The following COX7A2L variants were observed in gnomAD, a reference collection of about 807,000 sequenced individuals.
COX7A2L encodes the protein cytochrome c oxidase subunit 7A2 like.
A neutral mutation model predicts 14.2 loss-of-function variants in COX7A2L; 18 were observed. The observed-to-expected ratio is 1.27, with a 90% CI of 0.88 to 1.88. The LOEUF (loss-of-function observed/expected upper bound fraction) is 1.88. Ranked by LOEUF, COX7A2L falls within the 40% of genes most tolerant of loss-of-function variation. COX7A2L has a pLI of 0.00. For missense variants in COX7A2L, 179 were observed against 138.8 expected, an observed-to-expected ratio of 1.29 and a Z score of -1.46; for synonymous variants, 65 against 57.4, an observed-to-expected ratio of 1.13 and a Z score of -0.60.
rs570812250 is a variant in COX7A2L, at chr2:42,351,196, A to T, written c.*23T>A. 71 of 1,597,428 alleles carry T rather than the reference A, an allele frequency of 4.4e-5. No individual in the cohort carries two copies. In the African/African-American group the frequency reaches 6.7e-4, roughly 15 times the overall value. ...CTTCAAAGGGTTTATGCCAAAAAAC[A>T]AACCAGTCCTCTGCAGCCTAACTCA... On this transcript the variant is annotated 3_prime_UTR_variant, in exon 3 of 3. Transcript: ENST00000234301.
intron 2 of COX7A2L, among the ~76,000 whole-genome samples, chr2:42,352,520 C>A (rs968175924): frequency 6.6e-6 from 1 of 152,152 alleles, no homozygotes; most frequent in Non-Finnish European, 1.5e-5. Context: ...CTCTCTCAAA[C>A]CTTACTTATC....
chr2:42,361,026 C>T (rs958598305), intron 1 of COX7A2L, 64 bp downstream of exon 1: 11 of 1,574,876 alleles, frequency 7.0e-6, no homozygotes, highest in Middle Eastern at 1.7e-4. Flanking sequence ...AACGCCGCGA[C>T]TGCCTGTCGC....
chr2:42,338,337 T>C lies in COX7A2L; in HGVS notation c.193-4468A>G, dbSNP rs1222138179. Reference sequence around the variant, plus strand: ...GTCTGGGCTGAATCAGCTTCCCTTATTCAGAATTAATCAAATGGAAAGGAA... The same window carrying C: ...GTCTGGGCTGAATCAGCTTCCCTTACTCAGAATTAATCAAATGGAAAGGAA... On this transcript the variant is annotated intron_variant, in intron 2 of 2. Transcript: ENST00000468711. The surrounding 1 kb of genome is among the most constrained non-coding windows in gnomAD (Gnocchi z 4.4). Among the ~76,000 whole-genome samples the C allele has an allele frequency of 6.6e-6, 1 of 152,186 alleles. No individual in the cohort carries two copies. The highest frequency in any genetic ancestry group is 1.5e-5 in the Non-Finnish European group (1 of 68,036).
Position 42,366,471 on chromosome 2 carries a change from T to A in COX7A2L, c.-688+2397A>T, listed in dbSNP as rs1318708613. On this transcript the variant is annotated intron_variant, in intron 1 of 3. Coordinates refer to the COX7A2L transcript ENST00000378669. The stretch of plus-strand genomic sequence containing the variant: ...CTCTGCTAGCCATTGAAGGTCAGGA[T>A]GTCCAGATTCCAACCCTGCACTAGA... 7.9e-5 allele frequency among the ~76,000 whole-genome samples: 12 copies of A among 152,230 alleles called. 1 individual carries two copies. Among genetic ancestry groups the A allele is most frequent in the Admixed American group, 7.2e-4 (11 of 15,280 alleles).
chr2:42,343,783 G>C (rs976705875), intron 2 of COX7A2L, among the ~76,000 whole-genome samples: 1 of 152,196 alleles, frequency 6.6e-6, no homozygotes, highest in Non-Finnish European at 1.5e-5. Context: ...GGGATGAACA[G>C]ACCTCAATGT....
chr2:42,359,169 A>G (rs1347833982), intron 1 of COX7A2L: 11 of 152,206 alleles, frequency 7.2e-5, no homozygotes, highest in Admixed American at 2.0e-4. Context: ...ACATTTTCAG[A>G]GGCAAAAGCA....
At chr2:42,361,812 G>C (rs1031827675), upstream of COX7A2L, 2 of 152,348 alleles carry the variant, frequency 1.3e-5, no homozygotes, top group African/African-American at 4.8e-5. Flanking sequence ...AGTCTGCCCA[G>C]GAGTATAGAC....
At position 42,338,709 on chromosome 2, in the gene COX7A2L, A is replaced by G. The variant is rs1396000067; in HGVS notation, c.193-4840T>C. On this transcript the variant is annotated intron_variant, in intron 2 of 2. Coordinates refer to the COX7A2L transcript ENST00000468711. The surrounding 1 kb of genome is among the most constrained non-coding windows in gnomAD (Gnocchi z 4.4). ...GTGAGGAATCTGACAGCAGGACTCTAACCACTGGCTACGGTGGAAAAGGCC... is the reference window on the plus strand; with the variant it reads ...GTGAGGAATCTGACAGCAGGACTCTGACCACTGGCTACGGTGGAAAAGGCC... Among the ~76,000 whole-genome samples the G allele has an allele frequency of 6.6e-6, 1 of 152,186 alleles. No individual in the cohort carries two copies. The highest frequency in any genetic ancestry group is 1.9e-4 in the East Asian group (1 of 5,188).
chr2:42,360,778 G>C (rs1351007531), intron 1 of COX7A2L, among the ~76,000 whole-genome samples: 1 of 152,146 alleles, frequency 6.6e-6, no homozygotes, highest in Non-Finnish European at 1.5e-5. Flanking sequence ...CCGGACCTCT[G>C]ACTCGGGTCA....
chr2:42,353,801 G>A (rs1244311911), intron 1 of COX7A2L, among the ~76,000 whole-genome samples: 21 of 152,130 alleles, frequency 1.4e-4, no homozygotes, highest in Admixed American at 1.4e-3. Flanking sequence ...AACAATACTT[G>A]CCTTCCAGGA....
In COX7A2L at chr2:42,351,124, G is replaced by A; in HGVS notation, c.*95C>T. The A allele has an allele frequency of 7.5e-7, 1 of 1,328,684 alleles. No homozygotes were observed. Among genetic ancestry groups the A allele is most frequent in the Non-Finnish European group, 1.0e-6 (1 of 990,106 alleles). The allele number at this position is 1,328,684 out of a possible 1,614,324, so 82.3% of individuals were successfully genotyped here. ...CCTATTTTTCTTGCAAAAATGTTAAGCCATCCAAGTAAAAAAAAAAATTTT... is the reference window on the plus strand; with the variant it reads ...CCTATTTTTCTTGCAAAAATGTTAAACCATCCAAGTAAAAAAAAAAATTTT... On this transcript the variant is annotated 3_prime_UTR_variant, in exon 3 of 3. Transcript: ENST00000234301.
Position 42,361,212 on chromosome 2 carries a change from A to G in COX7A2L, c.-51T>C, listed in dbSNP as rs755131565. The stretch of plus-strand genomic sequence containing the variant: ...TCCGCTGCCAACGCGACCGCCCCAG[A>G]GAAGGACCCCGCCTCCCCGGCTGTG... On this transcript the variant is annotated 5_prime_UTR_variant, in exon 1 of 3. Coordinates refer to ENST00000234301, the MANE Select transcript of COX7A2L (RefSeq NM_004718.4). 1.8e-5 allele frequency: 27 copies of G among 1,528,408 alleles called. No homozygotes were observed. The highest frequency in any genetic ancestry group is 2.4e-5 in the Non-Finnish European group (27 of 1,123,086). 94.7% of individuals were successfully genotyped at this position (1,528,408 alleles called of 1,614,324 possible). A position where few individuals can be genotyped will look rare whatever the true frequency, so the allele number is the denominator to read the frequency against.
upstream of COX7A2L, among the ~76,000 whole-genome samples, chr2:42,362,869 T>C (rs995003433): frequency 3.3e-5 from 5 of 151,596 alleles, no homozygotes; most frequent in African/African-American, 9.7e-5. Flanking sequence ...TTTCCTTTTT[T>C]TTTTTTTTTT....
At chr2:42,359,391 A>C (rs1670942815) in intron 1 of COX7A2L, 1 of 152,242 alleles carries the variant, frequency 6.6e-6, no homozygotes, top group South Asian at 2.1e-4. Context: ...TTGCATATTG[A>C]GGGAGGTGTG....
At position 42,361,074 on chromosome 2, in the gene COX7A2L, C is replaced by T. The variant is rs1671019098; in HGVS notation, c.72+16G>A. Reference sequence around the variant, plus strand: ...CGCCACTTCTCATGTCCGAGCTGGCCAGGCGCCACTCGTACCTGCGGGCTA... The same window carrying T: ...CGCCACTTCTCATGTCCGAGCTGGCTAGGCGCCACTCGTACCTGCGGGCTA... On this transcript the variant is annotated intron_variant, in intron 1 of 2. Coordinates refer to ENST00000234301, the MANE Select transcript of COX7A2L (RefSeq NM_004718.4). The T allele has an allele frequency of 6.2e-7, 1 of 1,612,696 alleles. No homozygotes were observed. The highest frequency in any genetic ancestry group is 8.5e-7 in the Non-Finnish European group (1 of 1,179,532).
chr2:42,341,368 CAA>C (rs1377534005), intron 2 of COX7A2L, among the ~76,000 whole-genome samples: 2 of 152,208 alleles, frequency 1.3e-5, no homozygotes, highest in Non-Finnish European at 2.9e-5. Context: ...CCGACCTGCC[CAA>C]GTCCCACCTG....
upstream of COX7A2L, among the ~76,000 whole-genome samples, chr2:42,362,051 C>T (rs1671069478): frequency 6.6e-6 from 1 of 152,148 alleles, no homozygotes; most frequent in Non-Finnish European, 1.5e-5. Context: ...TTTATTCTCA[C>T]CTGAGTTTTA....
rs147587999 is a variant in COX7A2L at position 42,353,389 on chromosome 2, G to C, written c.73-46C>G. ...ATGGCAAGTTGAAAGTATGTCTGAG[G>C]AGGCTGTCTGGAATAGTGGAGGCAG... On this transcript the variant is annotated intron_variant, in intron 1 of 2. Transcript: ENST00000234301. 1.4e-4 allele frequency: 230 copies of C among 1,608,312 alleles called. No individual in the cohort carries two copies. The African/African-American group carries it at 2.8e-3, about 20-fold the overall frequency.
At chr2:42,358,000 T>C (rs1052906946) in intron 1 of COX7A2L, among the ~76,000 whole-genome samples, 1 of 152,196 alleles carries the variant, frequency 6.6e-6, no homozygotes, top group Non-Finnish European at 1.5e-5. Context: ...CATTCTGCCA[T>C]CTTAATTGGG....
Sources: allele counts gnomAD v4.1 joint callset (sites outside exome capture counted in the v4.1 genomes callset), GRCh38; gene constraint gnomAD v4.1.1; non-coding constraint Gnocchi (gnomAD v3.1); transcripts MANE v1.5; gene names NCBI Gene and HGNC (gene_info 2026-07-23, HGNC 2026-07-21).